Variants in GNG4 observed in about 807,000 individuals in gnomAD.
GNG4 encodes the protein G protein subunit gamma 4, also known as guanine nucleotide-binding protein G(I)/G(S)/G(O) subunit gamma-4.
Under a neutral mutation model 5.8 loss-of-function variants are expected in GNG4, and 4 were observed. The observed-to-expected ratio is 0.69, with a 90% CI of 0.34 to 1.57. The LOEUF (loss-of-function observed/expected upper bound fraction) is 1.57, where lower values mean the gene tolerates loss of function less well. GNG4 is among the 40% of genes most tolerant of loss of function. The pLI, the probability that GNG4 is intolerant of heterozygous loss-of-function variation, is 0.06. For missense variants in GNG4, 96 were observed against 95.1 expected, an observed-to-expected ratio of 1.01 and a Z score of -0.04; for synonymous variants, 29 against 32.9, an observed-to-expected ratio of 0.88 and a Z score of 0.41.
chr1:235,623,960 A>G (rs189368364), intron 1 of GNG4, among the ~76,000 whole-genome samples: 1 of 152,268 alleles, frequency 6.6e-6, no homozygotes, highest in Admixed American at 6.5e-5. Flanking sequence ...AAACTCCACA[A>G]TGTTTAAATG....
Position 235,569,192 on chromosome 1 carries a change from A to C in GNG4, c.99+14548T>G, listed in dbSNP as rs1264047642. The stretch of plus-strand genomic sequence containing the variant: ...ACCAACATCTCAGGGCTGGTGTGAA[A>C]ATTCAAGCACCTAACACATATTAAG... On this transcript the variant is annotated intron_variant, in intron 3 of 3. Transcript: ENST00000391854. 2.0e-5 allele frequency among the ~76,000 whole-genome samples: 3 copies of C among 152,172 alleles called. No individual in the cohort carries two copies. In the East Asian group the frequency reaches 5.8e-4, roughly 30 times the overall value.
intron 3 of GNG4, 143 bp downstream of exon 3, chr1:235,583,597 C>A (rs1558484210): frequency 3.4e-6 from 2 of 589,264 alleles, no homozygotes; most frequent in African/African-American, 3.7e-5. Context: ...AGCAAACACT[C>A]ATTTGTAAAT....
At chr1:235,599,749 C>T (rs2102960323) in intron 1 of GNG4, among the ~76,000 whole-genome samples, 1 of 152,308 alleles carries the variant, frequency 6.6e-6, no homozygotes, top group African/African-American at 2.4e-5. Flanking sequence ...GTGGGTCAGT[C>T]ATAACAGTGG....
intron 2 of GNG4, among the ~76,000 whole-genome samples, chr1:235,593,375 C>G (rs1388985826): frequency 6.6e-6 from 1 of 152,234 alleles, no homozygotes; most frequent in Non-Finnish European, 1.5e-5. Context: ...ACTCACGGCA[C>G]AGTACTTAGA....
chr1:235,602,214 G>A (rs950923661), intron 1 of GNG4, among the ~76,000 whole-genome samples: 49 of 152,294 alleles, frequency 3.2e-4, no homozygotes, highest in African/African-American at 1.2e-3. Flanking sequence ...GGAGGTTGCA[G>A]TGAGCTGAGA....
intron 3 of GNG4, among the ~76,000 whole-genome samples, chr1:235,557,455 C>T (rs1340833202): frequency 6.6e-6 from 1 of 151,974 alleles, no homozygotes; most frequent in East Asian, 1.9e-4. Context: ...CCTTTCCCCC[C>T]GGCCCTGAGA....
intron 1 of GNG4, among the ~76,000 whole-genome samples, chr1:235,607,697 C>T (rs1688391734): frequency 6.6e-6 from 1 of 152,186 alleles, no homozygotes; most frequent in Non-Finnish European, 1.5e-5. Context: ...ATCCCATCGG[C>T]ACGGCTTTTC....
At chr1:235,597,657 A>T (rs1571905533) in intron 1 of GNG4, among the ~76,000 whole-genome samples, 4 of 112,222 alleles carry the variant, frequency 3.6e-5, no homozygotes, top group Non-Finnish European at 5.1e-5. Context: ...ATGGAGTCTC[A>T]CTCTGTAGCC....
At chr1:235,570,005 G>A (rs1191166272) in intron 3 of GNG4, among the ~76,000 whole-genome samples, 3 of 152,012 alleles carry the variant, frequency 2.0e-5, no homozygotes, top group African/African-American at 7.3e-5. Flanking sequence ...TGTCTGTGTC[G>A]ATCATTTCTC....
At chr1:235,580,900 G>A (rs111846895) in intron 3 of GNG4, among the ~76,000 whole-genome samples, 5 of 152,032 alleles carry the variant, frequency 3.3e-5, no homozygotes, top group Admixed American at 6.6e-5. Context: ...ACAGGCACAC[G>A]TCACCAGACC....
At chr1:235,600,673 T>G (rs903475450) in intron 1 of GNG4, among the ~76,000 whole-genome samples, 5 of 152,316 alleles carry the variant, frequency 3.3e-5, no homozygotes, top group Non-Finnish European at 5.9e-5. Flanking sequence ...TCCTCCCACC[T>G]TGGCATCCCA....
chr1:235,618,143 A>G (rs1267713338), intron 1 of GNG4, among the ~76,000 whole-genome samples: 4 of 152,194 alleles, frequency 2.6e-5, no homozygotes, highest in Non-Finnish European at 2.9e-5. Flanking sequence ...TGCTACTTCC[A>G]TAAATAAAAG....
Position 235,587,612 on chromosome 1 carries a change from G to GTGTCA in GNG4, c.-10-3765_-10-3764insTGACA, listed in dbSNP as rs1558486373. Among the ~76,000 whole-genome samples, 24 of 56,438 alleles carry GTGTCA rather than the reference G, an allele frequency of 4.3e-4. 1 individual carries two copies. Among genetic ancestry groups the GTGTCA allele is most frequent in the South Asian group, 9.6e-4 (1 of 1,042 alleles). 37.0% of individuals were successfully genotyped at this position (56,438 alleles called of 152,430 possible). On this transcript the variant is annotated intron_variant, in intron 2 of 3. Coordinates refer to ENST00000391854, the MANE Select transcript of GNG4 (RefSeq NM_001098722.2). ...GTGTGAGTGTGGGAGGGCATGGGGT[G>GTGTCA]GGGTGTGTGAATGTGGGGTGGAGTG...
chr1:235,552,940 G>A (rs1422434230), intron 3 of GNG4, among the ~76,000 whole-genome samples: 1 of 151,994 alleles, frequency 6.6e-6, no homozygotes, highest in Admixed American at 6.6e-5. Flanking sequence ...TGTATTTTTA[G>A]TAGAGATGGG....
intron 3 of GNG4, among the ~76,000 whole-genome samples, chr1:235,577,514 C>T (rs1687516699): frequency 6.6e-6 from 1 of 152,074 alleles, no homozygotes; most frequent in African/African-American, 2.4e-5. Flanking sequence ...AATCTCAGCT[C>T]ACTGCAACCT....
Position 235,555,188 on chromosome 1 carries a change from C to T in GNG4, c.100-2951G>A, listed in dbSNP as rs557240497. Among the ~76,000 whole-genome samples, 7 of 152,232 alleles carry T rather than the reference C, an allele frequency of 4.6e-5. No individual in the cohort carries two copies. In the South Asian group the frequency reaches 1.0e-3, roughly 23 times the overall value. On this transcript the variant is annotated intron_variant, in intron 3 of 3. Coordinates refer to ENST00000391854, the MANE Select transcript of GNG4 (RefSeq NM_001098722.2). ...GGATCCATGATGAGAGGCCAGGAGA[C>T]GGGGCATCTGACAACCTGTCCAGTC...
chr1:235,573,361 A>T (rs541340774), intron 3 of GNG4, among the ~76,000 whole-genome samples: 442 of 151,270 alleles, frequency 2.9e-3, no homozygotes, highest in African/African-American at 0.01. Context: ...CATTAGGAGA[A>T]ATGCCTAATG....
At chr1:235,590,490 CCT>C (rs751789396) in intron 2 of GNG4, among the ~76,000 whole-genome samples, 1 of 152,032 alleles carries the variant, frequency 6.6e-6, no homozygotes, top group East Asian at 1.9e-4. Context: ...CACAGATTCC[CCT>C]GAGAGGCCCC....
At chr1:235,583,448 T>C (rs1027305729) in intron 3 of GNG4, among the ~76,000 whole-genome samples, 1 of 152,216 alleles carries the variant, frequency 6.6e-6, no homozygotes, top group Non-Finnish European at 1.5e-5. Context: ...CTAAACTCTC[T>C]TTCTTGCTTA....
Sources: gnomAD v4.1 joint callset for allele counts (sites outside exome capture counted in the v4.1 genomes callset) on GRCh38, gnomAD v4.1.1 for gene constraint, MANE v1.5 for transcripts, NCBI Gene and HGNC (gene_info 2026-07-23, HGNC 2026-07-21) for gene names.